Variants in ATP10A observed in about 807,000 individuals in gnomAD.
ATP10A encodes phospholipid-transporting ATPase VA.
In ATP10A, 111 loss-of-function variants were observed where a neutral mutation model predicts 147.8. The observed-to-expected ratio is 0.75, with a 90% CI of 0.64 to 0.88. The LOEUF is 0.88. Ranked by LOEUF, ATP10A falls within the 40% of genes least tolerant of loss-of-function variation. The probability of loss-of-function intolerance (pLI) is 0.00; values close to 1 mark genes in which losing one functional copy is unlikely to be tolerated. For synonymous variants in ATP10A, 875 were observed against 841.6 expected, an observed-to-expected ratio of 1.04 and a Z score of -0.69; for missense variants, 1,927 against 1,959.0, an observed-to-expected ratio of 0.98 and a Z score of 0.31.
At chr15:25,818,668 A>G (rs936874155) in intron 1 of ATP10A, among the ~76,000 whole-genome samples, 3 of 152,186 alleles carry the variant, frequency 2.0e-5, no homozygotes, top group Admixed American at 6.5e-5. Flanking sequence ...AGCAAAAAGA[A>G]CAAAGCCGGG....
intron 1 of ATP10A, among the ~76,000 whole-genome samples, chr15:25,806,851 AT>A (rs2140802386): frequency 6.6e-6 from 1 of 152,274 alleles, no homozygotes; most frequent in South Asian, 2.1e-4. Flanking sequence ...TCAGCTGTAC[AT>A]TTACTTCTCT....
intron 13 of ATP10A, among the ~76,000 whole-genome samples, chr15:25,697,477 A>C (rs1312747701): frequency 6.6e-6 from 1 of 152,242 alleles, no homozygotes; most frequent in African/African-American, 2.4e-5. Context: ...AAGATGACAC[A>C]GATACTGACA....
chr15:25,769,758 C>T (rs1596851314), intron 2 of ATP10A, among the ~76,000 whole-genome samples: 1 of 152,162 alleles, frequency 6.6e-6, no homozygotes, highest in Non-Finnish European at 1.5e-5. Flanking sequence ...CGGTTACTTT[C>T]ACTCCGAACC....
At chr15:25,804,848 A>T (rs2140795442) in intron 1 of ATP10A, among the ~76,000 whole-genome samples, 1 of 152,356 alleles carries the variant, frequency 6.6e-6, no homozygotes, top group Non-Finnish European at 1.5e-5. Flanking sequence ...GAAAAAATTG[A>T]TATGAAAGTT....
chr15:25,695,290 T>C, intron 13 of ATP10A, 144 bp from the exon 14 acceptor site: 2 of 752,370 alleles, frequency 2.7e-6, no homozygotes, highest in Non-Finnish European at 4.2e-6. Context: ...CTCCAGAAAC[T>C]GTGAAGTTCA....
At chr15:25,860,728 C>G (rs60642446) in intron 1 of ATP10A, among the ~76,000 whole-genome samples, 4 of 152,054 alleles carry the variant, frequency 2.6e-5, no homozygotes, top group Admixed American at 1.3e-4. Flanking sequence ...TCCCATGAAG[C>G]CTTACAAGGT....
At position 25,799,627 on chromosome 15, in the gene ATP10A, G is replaced by C. The variant is rs148307452; in HGVS notation, c.450-18404C>G. Among the ~76,000 whole-genome samples the C allele has an allele frequency of 8.6e-3, 1,308 of 152,234 alleles. 30 individuals carry two copies. The highest frequency in any genetic ancestry group is 0.029 in the African/African-American group (1,184 of 41,534). On this transcript the variant is annotated intron_variant, in intron 1 of 20. Transcript: ENST00000555815. ...TGCACGCCTGTGGTCCCAGCTACTC[G>C]GGAGGCTGAGGTGGAGGATCGCTTG...
intron 12 of ATP10A, among the ~76,000 whole-genome samples, chr15:25,703,036 C>T (rs1900763220): frequency 1.3e-5 from 2 of 152,068 alleles, no homozygotes; most frequent in African/African-American, 4.8e-5. Context: ...GGATGGGGCT[C>T]CCTCGATGGG....
chr15:25,780,722 A>G (rs754956758), intron 2 of ATP10A, among the ~76,000 whole-genome samples: 1 of 152,230 alleles, frequency 6.6e-6, no homozygotes, highest in Non-Finnish European at 1.5e-5. Flanking sequence ...CGTGTTGACC[A>G]TCAGCTGCTC....
At chr15:25,764,624 T>G (rs553360666) in intron 2 of ATP10A, among the ~76,000 whole-genome samples, 1 of 152,226 alleles carries the variant, frequency 6.6e-6, no homozygotes, top group Non-Finnish European at 1.5e-5. Context: ...AATCTTGTAT[T>G]CCCAGCTTCC....
intron 1 of ATP10A, among the ~76,000 whole-genome samples, chr15:25,827,106 G>A (rs539259417): frequency 8.4e-4 from 128 of 152,320 alleles, no homozygotes; most frequent in African/African-American, 3.0e-3. Context: ...GGACAAAATG[G>A]AGTCAGGTGA....
chr15:25,825,664 T>C (rs1596960175), intron 1 of ATP10A, among the ~76,000 whole-genome samples: 1 of 152,184 alleles, frequency 6.6e-6, no homozygotes, highest in East Asian at 1.9e-4. Flanking sequence ...CTTACAGAGC[T>C]GGTTCATAAA....
chr15:25,760,902 T>C (rs573827187), intron 2 of ATP10A, among the ~76,000 whole-genome samples: 12 of 152,238 alleles, frequency 7.9e-5, no homozygotes, highest in Non-Finnish European at 1.6e-4. Context: ...ATTCCACCTC[T>C]GGATTTATCT....
In ATP10A at chr15:25,862,909, C is replaced by T; in HGVS notation, c.188G>A (p.Arg63Gln). ...RGCAQHLADN[R>Q]LKTTKYTLLS... ...CAGCGTGTACTTGGTAGTCTTGAGC[C>T]GGTTGTCGGCCAGGTGCTGGGCACA... The change falls in exon 1 of 21, where the codon CGG (arginine) becomes CAG (glutamine). Residue 63 changes from arginine to glutamine, a missense_variant. Arg to Gln is a conservative substitution (Grantham distance 43). Transcript: ENST00000555815. 6.2e-7 allele frequency: 1 copy of T among 1,608,326 alleles called. No individual in the cohort carries two copies.
At chr15:25,726,499 T>C (rs1902562327) in intron 4 of ATP10A, among the ~76,000 whole-genome samples, 2 of 151,324 alleles carry the variant, frequency 1.3e-5, no homozygotes, top group South Asian at 4.2e-4. Context: ...TGGAGTGCAG[T>C]GGTATAAACT....
intron 1 of ATP10A, among the ~76,000 whole-genome samples, chr15:25,786,779 C>A (rs531018636): frequency 6.9e-6 from 1 of 145,496 alleles, no homozygotes; most frequent in South Asian, 2.3e-4. Flanking sequence ...GCGCCCACCA[C>A]CATGCCCAGC....
intron 2 of ATP10A, among the ~76,000 whole-genome samples, chr15:25,762,862 G>A (rs1041519007): frequency 6.6e-6 from 1 of 152,242 alleles, no homozygotes; most frequent in African/African-American, 2.4e-5. Context: ...TTACAGGCAT[G>A]AGCCTGGCCA....
intron 3 of ATP10A, among the ~76,000 whole-genome samples, chr15:25,731,784 G>C (rs1308036029): frequency 6.6e-6 from 1 of 152,194 alleles, no homozygotes; most frequent in Non-Finnish European, 1.5e-5. Context: ...GAGGCTCCTA[G>C]CACTATTTTT....
At chr15:25,704,115 CTGTG>C (rs963263113) in intron 12 of ATP10A, among the ~76,000 whole-genome samples, 4 of 152,222 alleles carry the variant, frequency 2.6e-5, no homozygotes, top group South Asian at 2.1e-4. Context: ...GGGGGGCAGA[CTGTG>C]TGTGGCCCGT....
Sources: allele counts gnomAD v4.1 joint callset (sites outside exome capture counted in the v4.1 genomes callset), GRCh38; gene constraint gnomAD v4.1.1; transcripts MANE v1.5; gene names NCBI Gene and HGNC (gene_info 2026-07-23, HGNC 2026-07-21).